NAV3: variants seen among roughly 807,000 people sequenced by gnomAD.
NAV3 encodes neuron navigator 3, also known as pore membrane and/or filament interacting like protein 1.
NAV3 carries 87 observed loss-of-function variants against 244.7 expected under a neutral mutation model. The ratio of observed to expected loss-of-function variants is 0.36; its 90% CI spans 0.30 to 0.42. NAV3 has a LOEUF of 0.42. NAV3 is among the 20% of genes least tolerant of loss of function. The pLI is 1.00. For missense variants in NAV3, 2,663 were observed against 2,893.3 expected (o/e 0.92, Z 1.83); for synonymous variants, 1,126 against 1,042.2 (o/e 1.08, Z -1.55).
chr12:77,992,114 G>T (rs1240232912), intron 5 of NAV3, among the ~76,000 whole-genome samples: 2 of 151,866 alleles, frequency 1.3e-5, no homozygotes, highest in African/African-American at 4.8e-5. Context: ...AAAATTTATT[G>T]TATGTCTTTG....
At chr12:77,921,972 G>A (rs1442605173) in intron 1 of NAV3, among the ~76,000 whole-genome samples, 2 of 152,252 alleles carry the variant, frequency 1.3e-5, no homozygotes, top group Admixed American at 1.3e-4. Context: ...TCTGTAAAGT[G>A]CCCAGCACAT....
At chr12:78,020,303 A>G (rs1478294587) in intron 8 of NAV3, among the ~76,000 whole-genome samples, 1 of 152,212 alleles carries the variant, frequency 6.6e-6, no homozygotes. Flanking sequence ...AATGCTGCCG[A>G]GATACCAAAT....
chr12:77,864,519 C>T (rs1169494792), intron 1 of NAV3, among the ~76,000 whole-genome samples: 1 of 151,812 alleles, frequency 6.6e-6, no homozygotes, highest in Non-Finnish European at 1.5e-5. Flanking sequence ...AGCTTTGATG[C>T]AAGGAGGCAT....
chr12:78,038,605 T>A (rs1225005672), intron 9 of NAV3, among the ~76,000 whole-genome samples: 1 of 152,218 alleles, frequency 6.6e-6, no homozygotes, highest in Non-Finnish European at 1.5e-5. Context: ...GATTTCTGAA[T>A]CTGAATACAC....
At chr12:77,736,998 C>T (rs996562611) in intron 2 of NAV3, among the ~76,000 whole-genome samples, 1 of 152,024 alleles carries the variant, frequency 6.6e-6, no homozygotes, top group Admixed American at 6.6e-5. Context: ...TATTTTCCCC[C>T]TAAACTTTCC....
chr12:78,071,935 A>G (rs1292258904), intron 12 of NAV3, among the ~76,000 whole-genome samples: 6 of 152,186 alleles, frequency 3.9e-5, no homozygotes, highest in African/African-American at 1.4e-4. Context: ...CTGAATGACT[A>G]CTGGGTACAT....
chr12:77,947,047 A>G (rs940919843), intron 3 of NAV3, among the ~76,000 whole-genome samples: 12 of 152,232 alleles, frequency 7.9e-5, no homozygotes, highest in African/African-American at 2.9e-4. Flanking sequence ...TTTTCCAGCC[A>G]CAACCTTCAA....
intron 1 of NAV3, among the ~76,000 whole-genome samples, chr12:77,838,422 C>T (rs1875038987): frequency 6.6e-6 from 1 of 152,100 alleles, no homozygotes; most frequent in Admixed American, 6.6e-5. Flanking sequence ...ATGCTTTGAA[C>T]TGGAAATTAT....
intron 1 of NAV3, among the ~76,000 whole-genome samples, chr12:77,905,270 T>C (rs923652017): frequency 1.3e-5 from 2 of 152,158 alleles, no homozygotes; most frequent in Non-Finnish European, 2.9e-5. Flanking sequence ...TATTTATTAC[T>C]AGCAGTATTT....
chr12:77,819,813 C>T (rs1426266525), intron 2 of NAV3, among the ~76,000 whole-genome samples: 1 of 151,944 alleles, frequency 6.6e-6, no homozygotes, highest in Non-Finnish European at 1.5e-5. Flanking sequence ...TCTCATGGTC[C>T]ACACATTTAA....
chr12:77,894,300 C>A (rs1395754254), intron 1 of NAV3, among the ~76,000 whole-genome samples: 1 of 151,694 alleles, frequency 6.6e-6, no homozygotes, highest in Non-Finnish European at 1.5e-5. Context: ...AAGTTTATAA[C>A]CCAAGATAAA....
rs1356459861 is a variant in NAV3, at chr12:78,007,697, C to G, written c.1907+252C>G. 2.0e-5 allele frequency among the ~76,000 whole-genome samples: 3 copies of G among 152,170 alleles called. No homozygotes were observed. In the East Asian group the frequency reaches 5.8e-4, roughly 29 times the overall value. On this transcript the variant is annotated intron_variant, in intron 8 of 39. Transcript: ENST00000397909. The stretch of plus-strand genomic sequence containing the variant: ...CTTCAAAAATTGAATTACTTGTTAT[C>G]AAAAGCCAGCTAGAAACCAGATGCC...
At chr12:77,619,298 T>G (rs1000976115) in intron 2 of NAV3, among the ~76,000 whole-genome samples, 1 of 152,194 alleles carries the variant, frequency 6.6e-6, no homozygotes, top group African/African-American at 2.4e-5. Flanking sequence ...AAATAACTTA[T>G]GTCCATCAAT....
At chr12:78,192,441 T>C (rs1325568603) in intron 34 of NAV3, among the ~76,000 whole-genome samples, 1 of 151,802 alleles carries the variant, frequency 6.6e-6, no homozygotes, top group East Asian at 1.9e-4. Flanking sequence ...AGTCTTGCTC[T>C]GTTGCCCAAG....
In NAV3 at chr12:77,972,311, G is replaced by T. The variant is rs562157725; in HGVS notation, c.671+3609G>T. ...CTGGATCTGTATTAAAGTAAAGGTG[G>T]GATTCAGATTTTAAGTTTCTTAAAT... On this transcript the variant is annotated intron_variant, in intron 5 of 39. Transcript: ENST00000397909. 1.3e-5 allele frequency among the ~76,000 whole-genome samples: 2 copies of T among 152,102 alleles called. 1 individual carries two copies. The highest frequency in any genetic ancestry group is 4.1e-4 in the South Asian group (2 of 4,826).
intron 2 of NAV3, among the ~76,000 whole-genome samples, chr12:77,702,723 T>C (rs1875615852): frequency 6.6e-6 from 1 of 152,022 alleles, no homozygotes; most frequent in Non-Finnish European, 1.5e-5. Flanking sequence ...GTGCTATTGT[T>C]ATATTTTAGT....
At chr12:77,894,467 C>T (rs11834313) in intron 1 of NAV3, among the ~76,000 whole-genome samples, 54,811 of 151,870 alleles carry the variant, frequency 0.36, 10,388 homozygotes, top group African/African-American at 0.47. Flanking sequence ...GTAAAAGTTT[C>T]GAGTTTAAAA....
At chr12:78,070,405 T>C (rs1952697309) in intron 12 of NAV3, among the ~76,000 whole-genome samples, 1 of 151,148 alleles carries the variant, frequency 6.6e-6, no homozygotes, top group Admixed American at 6.6e-5. Context: ...AGGTGAAGTT[T>C]TTTTTTTTTT....
intron 2 of NAV3, among the ~76,000 whole-genome samples, chr12:77,707,057 C>T (rs796134999): frequency 8.0e-5 from 12 of 150,278 alleles, no homozygotes; most frequent in African/African-American, 2.0e-4. Context: ...CCTTTTTTTT[C>T]TTTCTTTCTT....
Sources: gnomAD v4.1 joint callset for allele counts (sites outside exome capture counted in the v4.1 genomes callset) on GRCh38, gnomAD v4.1.1 for gene constraint, MANE v1.5 for transcripts, NCBI Gene and HGNC (gene_info 2026-07-23, HGNC 2026-07-21) for gene names.